The following PDE1C variants were observed in gnomAD, a reference collection of about 807,000 sequenced individuals.
The protein encoded by PDE1C is phosphodiesterase 1C, also known as dual specificity calcium/calmodulin-dependent 3',5'-cyclic nucleotide phosphodiesterase 1C.
In PDE1C, 62 loss-of-function variants were observed where a neutral mutation model predicts 93.1. That is an observed-to-expected ratio of 0.67 (90% confidence interval 0.54 to 0.82). The LOEUF is 0.82. Among genes scored for constraint, PDE1C ranks in the 40% least tolerant of loss-of-function variants. PDE1C has a pLI of 0.00. For missense variants in PDE1C, 742 were observed against 884.6 expected, an observed-to-expected ratio of 0.84 and a Z score of 2.04; for synonymous variants, 325 against 310.1, an observed-to-expected ratio of 1.05 and a Z score of -0.50.
chr7:31,997,687 C>G (rs923588856), intron 2 of PDE1C, among the ~76,000 whole-genome samples: 2 of 152,158 alleles, frequency 1.3e-5, no homozygotes, highest in African/African-American at 4.8e-5. Context: ...ATTTGAGACA[C>G]CCATTGTCAA....
At chr7:31,940,938 A>G (rs1805754186) in intron 2 of PDE1C, among the ~76,000 whole-genome samples, 1 of 151,974 alleles carries the variant, frequency 6.6e-6, no homozygotes, top group South Asian at 2.1e-4. Flanking sequence ...GAACAGACCA[A>G]GTGTACACCT....
chr7:31,652,528 T>G, the PDE1C span: 10 of 1,596,078 alleles, frequency 6.3e-6, no homozygotes, highest in East Asian at 4.5e-5. Context: ...CAGCTGGAGG[T>G]TCTCACAGCA....
In PDE1C at chr7:32,144,878, G is replaced by A. The variant is rs538794278; in HGVS notation, c.308+24907C>T. Among the ~76,000 whole-genome samples, 8 of 151,960 alleles carry A rather than the reference G, an allele frequency of 5.3e-5. No individual in the cohort carries two copies. In the South Asian group the frequency reaches 1.0e-3, roughly 20 times the overall value. ...TGGGTGTTGTTTGTGAATTTTCCAT[G>A]CGTTAGCTCTAATTCCACCCTTACT... On this transcript the variant is annotated intron_variant, in intron 3 of 18. Coordinates refer to the PDE1C transcript ENST00000396193.
At chr7:31,684,337 T>A in the PDE1C span, among the ~76,000 whole-genome samples, 3 of 152,246 alleles carry the variant, frequency 2.0e-5, no homozygotes, top group Non-Finnish European at 4.4e-5. Flanking sequence ...CAGGCTGGAA[T>A]ATGCTTAACA....
chr7:32,361,211 G>A (rs1241082714), intron 1 of PDE1C, among the ~76,000 whole-genome samples: 1 of 152,158 alleles, frequency 6.6e-6, no homozygotes, highest in Non-Finnish European at 1.5e-5. Context: ...AGCTCAAGCA[G>A]GCATCCAGCT....
At chr7:32,002,417 C>T (rs1261762414) in intron 2 of PDE1C, among the ~76,000 whole-genome samples, 1 of 152,210 alleles carries the variant, frequency 6.6e-6, no homozygotes, top group Non-Finnish European at 1.5e-5. Flanking sequence ...GTCTCCTCCA[C>T]ATGACCTTGG....
At chr7:31,845,760 G>T (rs557353126) in intron 9 of PDE1C, among the ~76,000 whole-genome samples, 6 of 152,242 alleles carry the variant, frequency 3.9e-5, no homozygotes, top group Non-Finnish European at 2.9e-5. Context: ...GGAGGCCAAG[G>T]CTAGTGGGTC....
At chr7:32,164,374 C>G (rs1802095381) in intron 3 of PDE1C, among the ~76,000 whole-genome samples, 1 of 152,164 alleles carries the variant, frequency 6.6e-6, no homozygotes, top group Non-Finnish European at 1.5e-5. Context: ...ATAACTCAAA[C>G]TATATATCCA....
chr7:31,705,470 C>A, the PDE1C span, among the ~76,000 whole-genome samples: 9 of 148,042 alleles, frequency 6.1e-5, no homozygotes, highest in South Asian at 6.6e-4. Context: ...AGAAATATCT[C>A]CCACTGTGTT....
At chr7:31,647,655 CAG>C in the PDE1C span, among the ~76,000 whole-genome samples, 49 of 115,726 alleles carry the variant, frequency 4.2e-4, 2 homozygotes, top group African/African-American at 1.6e-3. Context: ...GCCTGAGCAA[CAG>C]AGAGAGTCTC....
At chr7:32,333,451 T>A (rs972319730) in intron 1 of PDE1C, among the ~76,000 whole-genome samples, 1 of 152,200 alleles carries the variant, frequency 6.6e-6, no homozygotes, top group Non-Finnish European at 1.5e-5. Flanking sequence ...GTGATTCCCA[T>A]AATCATCCAC....
chr7:31,949,354 G>T (rs1252130830), intron 2 of PDE1C, among the ~76,000 whole-genome samples: 2 of 152,056 alleles, frequency 1.3e-5, no homozygotes, highest in Non-Finnish European at 2.9e-5. Context: ...CAGCTGCTCG[G>T]GAGGCTGAGG....
At chr7:31,990,407 T>C (rs1784016479) in intron 2 of PDE1C, among the ~76,000 whole-genome samples, 1 of 152,170 alleles carries the variant, frequency 6.6e-6, no homozygotes, top group African/African-American at 2.4e-5. Flanking sequence ...TCCCCAGCCA[T>C]GTGGAACTGT....
chr7:32,341,170 A>C (rs1044366953), intron 1 of PDE1C, among the ~76,000 whole-genome samples: 50 of 67,246 alleles, frequency 7.4e-4, no homozygotes, highest in African/African-American at 2.0e-3. Flanking sequence ...CTAGAAATAA[A>C]GTCTTTTTTT....
intron 2 of PDE1C, among the ~76,000 whole-genome samples, chr7:31,972,644 CAACA>C (rs1811111686): frequency 6.6e-6 from 1 of 152,070 alleles, no homozygotes; most frequent in African/African-American, 2.4e-5. Flanking sequence ...GGATATAACA[CAACA>C]AACAATCATA....
chr7:32,223,636 T>C (rs1373375924), intron 1 of PDE1C, among the ~76,000 whole-genome samples: 3 of 152,190 alleles, frequency 2.0e-5, no homozygotes, highest in Non-Finnish European at 4.4e-5. Context: ...TGCTTACATA[T>C]TTCTCCATCA....
intron 11 of PDE1C, among the ~76,000 whole-genome samples, chr7:31,828,999 T>C (rs4723103): frequency 0.78 from 118,559 of 152,128 alleles, 46,273 homozygotes; most frequent in East Asian, 0.84. Flanking sequence ...CCAAAAAGCA[T>C]CACCATAATA....
chr7:31,747,216 T>C (rs773530440), downstream of PDE1C, among the ~76,000 whole-genome samples: 38 of 152,112 alleles, frequency 2.5e-4, no homozygotes, highest in Admixed American at 5.2e-4. Flanking sequence ...ACACAATGCA[T>C]GGAAAAAATA....
intron 2 of PDE1C, among the ~76,000 whole-genome samples, chr7:31,906,963 T>G (rs1800671162): frequency 6.6e-6 from 1 of 152,114 alleles, no homozygotes; most frequent in African/African-American, 2.4e-5. Flanking sequence ...TTGTGCCAGG[T>G]ACTCTGCTGG....
Sources: allele counts gnomAD v4.1 joint callset (sites outside exome capture counted in the v4.1 genomes callset), GRCh38; gene constraint gnomAD v4.1.1; transcripts MANE v1.5; gene names NCBI Gene and HGNC (gene_info 2026-07-23, HGNC 2026-07-21).